DCC: variants seen among roughly 807,000 people sequenced by gnomAD.
The protein encoded by DCC is netrin receptor DCC.
A neutral mutation model predicts 172.5 loss-of-function variants in DCC; 58 were observed. The ratio of observed to expected loss-of-function variants is 0.34; its 90% CI spans 0.27 to 0.42. The LOEUF (loss-of-function observed/expected upper bound fraction) is 0.42. DCC is among the 10% of genes least tolerant of loss of function. The pLI, the probability that DCC is intolerant of heterozygous loss-of-function variation, is 1.00. For synonymous variants in DCC, 709 were observed against 644.5 expected, an observed-to-expected ratio of 1.10 and a Z score of -1.52; for missense variants, 1,740 against 1,791.0, an observed-to-expected ratio of 0.97 and a Z score of 0.51.
chr18:53,436,375 T>C (rs1599149509), intron 22 of DCC, among the ~76,000 whole-genome samples: 1 of 152,328 alleles, frequency 6.6e-6, no homozygotes, highest in Non-Finnish European at 1.5e-5. Flanking sequence ...TTAAGAAACT[T>C]GATTACTGAA....
In DCC at chr18:52,352,746, A is replaced by G. The variant is rs562242734; in HGVS notation, c.91+11868A>G. Among the ~76,000 whole-genome samples the G allele has an allele frequency of 3.6e-3, 542 of 152,282 alleles. 2 individuals are homozygous for G. The highest frequency in any genetic ancestry group is 0.014 in the Middle Eastern group (4 of 294). On this transcript the variant is annotated intron_variant, in intron 1 of 28. Coordinates refer to ENST00000442544, the MANE Select transcript of DCC (RefSeq NM_005215.4). ...CATACCAATTAATTTAGAATCTCGG[A>G]GATGTATTCCAGGCACAAGTATTCT...
intron 5 of DCC, among the ~76,000 whole-genome samples, chr18:53,000,954 G>C (rs757125186): frequency 1.4e-4 from 21 of 151,332 alleles, no homozygotes; most frequent in Non-Finnish European, 2.8e-4. Context: ...TTTTCCCATC[G>C]ACTGCATCTG....
At chr18:53,327,608 T>C (rs1191618663) in intron 14 of DCC, among the ~76,000 whole-genome samples, 2 of 152,120 alleles carry the variant, frequency 1.3e-5, no homozygotes, top group Non-Finnish European at 2.9e-5. Flanking sequence ...AGCAAAAAAA[T>C]GTGAATCTAG....
At chr18:52,418,362 C>G (rs895276832) in intron 1 of DCC, among the ~76,000 whole-genome samples, 1 of 152,078 alleles carries the variant, frequency 6.6e-6, no homozygotes, top group African/African-American at 2.4e-5. Context: ...ATGAAAATGG[C>G]CTCTGTAGGC....
At chr18:52,745,624 T>A (rs186074262) in intron 1 of DCC, among the ~76,000 whole-genome samples, 26 of 152,240 alleles carry the variant, frequency 1.7e-4, no homozygotes, top group Admixed American at 1.4e-3. Flanking sequence ...CAAAGAGTTA[T>A]CATTTGTTTG....
Position 53,397,416 on chromosome 18 carries a change from A to C in DCC, c.2797A>C (p.Met933Leu), listed in dbSNP as rs1909023937. The C allele has an allele frequency of 1.2e-6, 2 of 1,614,054 alleles. No individual in the cohort carries two copies. Among genetic ancestry groups the C allele is most frequent in the Non-Finnish European group, 1.7e-6 (2 of 1,179,948 alleles). The stretch of plus-strand genomic sequence containing the variant: ...AAACAGAAGGTCCAGTACTTGGAGC[A>C]TGACTGCACATGCCACCACGTATGA... ...TKNRRSSTWS[M>L]TAHATTYEAA... The change falls in exon 18 of 29, where the codon ATG becomes CTG. Residue 933 changes from methionine (M) to leucine (L), a missense_variant. Met to Leu is a conservative substitution (Grantham distance 15). Transcript: ENST00000442544.
intron 7 of DCC, among the ~76,000 whole-genome samples, chr18:53,119,890 T>C (rs901599990): frequency 6.6e-6 from 1 of 151,890 alleles, no homozygotes; most frequent in Non-Finnish European, 1.5e-5. Flanking sequence ...TTGGATAGGA[T>C]GTGATTTGTA....
chr18:53,186,672 T>C (rs1045294607), intron 9 of DCC, among the ~76,000 whole-genome samples: 1 of 152,234 alleles, frequency 6.6e-6, no homozygotes, highest in Non-Finnish European at 1.5e-5. Context: ...TTTTATAACA[T>C]GCTTGGGATA....
intron 1 of DCC, among the ~76,000 whole-genome samples, chr18:52,674,075 A>G (rs563378825): frequency 1.3e-5 from 2 of 152,276 alleles, no homozygotes; most frequent in East Asian, 1.9e-4. Flanking sequence ...GATATATTAT[A>G]CCATTGACCA....
chr18:52,902,872 T>G (rs191784505), intron 2 of DCC, among the ~76,000 whole-genome samples: 48 of 152,340 alleles, frequency 3.2e-4, no homozygotes, highest in Middle Eastern at 6.8e-3. Flanking sequence ...TTTCTCACTA[T>G]GACAAATAAT....
At chr18:52,989,071 TATAA>T (rs1387798488) in intron 5 of DCC, among the ~76,000 whole-genome samples, 18 of 152,152 alleles carry the variant, frequency 1.2e-4, no homozygotes, top group Non-Finnish European at 2.4e-4. Context: ...TTTAAATTCT[TATAA>T]ATATTTTTCT....
intron 2 of DCC, among the ~76,000 whole-genome samples, chr18:52,845,134 G>C (rs1172676469): frequency 6.6e-6 from 1 of 151,850 alleles, no homozygotes; most frequent in Non-Finnish European, 1.5e-5. Context: ...GACAGAGAGA[G>C]GACAAAACAT....
chr18:53,458,518 A>T (rs1380960357), intron 23 of DCC, among the ~76,000 whole-genome samples: 1 of 152,218 alleles, frequency 6.6e-6, no homozygotes, highest in African/African-American at 2.4e-5. Flanking sequence ...ATTTAATCTC[A>T]CTAGCCTCAA....
At chr18:52,554,027 A>C (rs554981093) in intron 1 of DCC, among the ~76,000 whole-genome samples, 6 of 152,172 alleles carry the variant, frequency 3.9e-5, no homozygotes, top group African/African-American at 1.4e-4. Flanking sequence ...TCTAATTTTC[A>C]GTGTTCTTAT....
chr18:52,551,243 C>T (rs945650765), intron 1 of DCC, among the ~76,000 whole-genome samples: 2 of 151,840 alleles, frequency 1.3e-5, no homozygotes, highest in Admixed American at 6.6e-5. Flanking sequence ...GAAATGTCAG[C>T]CCTGTTGGGT....
At chr18:53,095,611 C>T (rs981365246) in intron 7 of DCC, among the ~76,000 whole-genome samples, 4 of 152,108 alleles carry the variant, frequency 2.6e-5, no homozygotes, top group African/African-American at 4.8e-5. Flanking sequence ...AACTCCTGCT[C>T]CTCCTCCTAT....
At chr18:52,482,918 A>T (rs1474156214) in intron 1 of DCC, among the ~76,000 whole-genome samples, 1 of 152,134 alleles carries the variant, frequency 6.6e-6, no homozygotes, top group East Asian at 1.9e-4. Flanking sequence ...TTAACAGATT[A>T]TGATAAGCTT....
intron 3 of DCC, among the ~76,000 whole-genome samples, chr18:52,914,350 C>T (rs1482271847): frequency 6.6e-6 from 1 of 152,034 alleles, no homozygotes; most frequent in African/African-American, 2.4e-5. Context: ...TTCCGCCAGA[C>T]TCTAACTAGA....
At chr18:53,262,291 A>C in intron 12 of DCC, among the ~76,000 whole-genome samples, 1 of 152,138 alleles carries the variant, frequency 6.6e-6, no homozygotes, top group Middle Eastern at 3.2e-3. Context: ...CCTAAAATCA[A>C]CTCTATATAC....
Sources: allele counts gnomAD v4.1 joint callset (sites outside exome capture counted in the v4.1 genomes callset), GRCh38; gene constraint gnomAD v4.1.1; transcripts MANE v1.5; gene names NCBI Gene and HGNC (gene_info 2026-07-23, HGNC 2026-07-21).